Variants in ANKFN1 observed in about 807,000 individuals in gnomAD.
ANKFN1 encodes ankyrin repeat and fibronectin type-III domain-containing protein 1.
A neutral mutation model predicts 108.7 loss-of-function variants in ANKFN1; 74 were observed. The ratio of observed to expected loss-of-function variants is 0.68; its 90% CI spans 0.56 to 0.83. The LOEUF (loss-of-function observed/expected upper bound fraction) is 0.83, where lower values mean the gene tolerates loss of function less well. ANKFN1 is among the 40% of genes least tolerant of loss of function. The probability of loss-of-function intolerance (pLI) is 0.00; values close to 1 mark genes in which losing one functional copy is unlikely to be tolerated. For missense variants in ANKFN1, 1,505 were observed against 1,382.3 expected (o/e 1.09, Z -1.41); for synonymous variants, 547 against 516.2 (o/e 1.06, Z -0.81).
chr17:56,501,870 G>T (rs1316774849), intron 20 of ANKFN1, among the ~76,000 whole-genome samples: 1 of 152,072 alleles, frequency 6.6e-6, no homozygotes, highest in Non-Finnish European at 1.5e-5. Context: ...AACCTGAAAA[G>T]CTTCAGTTGT....
At chr17:56,095,769 C>T (rs1337023465) in intron 4 of ANKFN1, among the ~76,000 whole-genome samples, 1 of 152,222 alleles carries the variant, frequency 6.6e-6, no homozygotes, top group Non-Finnish European at 1.5e-5. Context: ...GAAAGATGGT[C>T]TGTGACTCAC....
At chr17:56,488,773 C>T (rs2050935131) in intron 18 of ANKFN1, among the ~76,000 whole-genome samples, 1 of 152,196 alleles carries the variant, frequency 6.6e-6, no homozygotes, top group East Asian at 1.9e-4. Flanking sequence ...CAAACTAGGC[C>T]ACATGGCCCA....
intron 3 of ANKFN1, among the ~76,000 whole-genome samples, chr17:56,262,201 C>A (rs1187984323): frequency 3.3e-5 from 5 of 152,150 alleles, no homozygotes; most frequent in Non-Finnish European, 7.3e-5. Flanking sequence ...CTCTACGACC[C>A]TCTCCCCAAC....
intron 3 of ANKFN1, among the ~76,000 whole-genome samples, chr17:56,299,868 A>AAATG (rs766312495): frequency 4.6e-5 from 7 of 152,206 alleles, no homozygotes; most frequent in Non-Finnish European, 7.3e-5. Flanking sequence ...TTCGTTGGCT[A>AAATG]AATGAATGAA....
chr17:56,259,662 G>A (rs1403820110), intron 3 of ANKFN1, among the ~76,000 whole-genome samples: 1 of 152,072 alleles, frequency 6.6e-6, no homozygotes, highest in Admixed American at 6.6e-5. Flanking sequence ...CATCACAGAG[G>A]ATGGAGAAAA....
intron 4 of ANKFN1, among the ~76,000 whole-genome samples, chr17:56,105,711 C>G (rs376501495): frequency 8.3e-5 from 12 of 144,544 alleles, no homozygotes; most frequent in African/African-American, 7.8e-5. Context: ...GTTTTTTTGT[C>G]TGTGTGTGTG....
intron 3 of ANKFN1, among the ~76,000 whole-genome samples, chr17:56,287,224 G>A (rs980562717): frequency 6.6e-5 from 10 of 152,048 alleles, no homozygotes; most frequent in African/African-American, 2.2e-4. Flanking sequence ...ATGTGGCATC[G>A]GGTTTCTTTC....
intron 8 of ANKFN1, among the ~76,000 whole-genome samples, chr17:56,379,724 T>C (rs1328442316): frequency 6.6e-6 from 1 of 152,230 alleles, no homozygotes; most frequent in Non-Finnish European, 1.5e-5. Flanking sequence ...CTCCTATTGA[T>C]GGATGTTGGT....
intron 4 of ANKFN1, among the ~76,000 whole-genome samples, chr17:56,110,780 T>A (rs16956666): frequency 0.012 from 1,794 of 152,336 alleles, 35 homozygotes; most frequent in African/African-American, 0.04. Flanking sequence ...AAAGGAAAGT[T>A]GGAAAAAGTC....
At chr17:56,309,589 T>A (rs1223004017) in intron 3 of ANKFN1, among the ~76,000 whole-genome samples, 1 of 152,152 alleles carries the variant, frequency 6.6e-6, no homozygotes, top group Non-Finnish European at 1.5e-5. Flanking sequence ...TTCTAAAATC[T>A]TTTTTGGCTT....
At chr17:56,425,230 A>C (rs1486513129) in intron 8 of ANKFN1, among the ~76,000 whole-genome samples, 2 of 152,104 alleles carry the variant, frequency 1.3e-5, no homozygotes, top group Non-Finnish European at 2.9e-5. Flanking sequence ...AATTTGGCTC[A>C]CAGATGCCTC....
chr17:56,239,775 T>C (rs1266245537), intron 3 of ANKFN1, among the ~76,000 whole-genome samples: 2 of 152,112 alleles, frequency 1.3e-5, no homozygotes, highest in African/African-American at 4.8e-5. Flanking sequence ...GTCTTTTTTC[T>C]TTGGCAGGCT....
chr17:56,192,433 G>A (rs1198359037), intron 1 of ANKFN1, among the ~76,000 whole-genome samples: 5 of 15,240 alleles, frequency 3.3e-4, no homozygotes, highest in African/African-American at 8.8e-4. Flanking sequence ...CTTCTGCACA[G>A]CAAAAGAAAC....
At chr17:56,421,494 C>T (rs1168322613) in intron 8 of ANKFN1, among the ~76,000 whole-genome samples, 1 of 152,200 alleles carries the variant, frequency 6.6e-6, no homozygotes, top group Non-Finnish European at 1.5e-5. Context: ...AGGCTCTAAA[C>T]GCTGATACTA....
At chr17:56,285,010 T>A (rs549134548) in intron 3 of ANKFN1, among the ~76,000 whole-genome samples, 2 of 152,314 alleles carry the variant, frequency 1.3e-5, no homozygotes, top group African/African-American at 4.8e-5. Flanking sequence ...CAAGTCAAGA[T>A]CTTATTTCTT....
At chr17:56,458,883 A>G (rs1193279507) in intron 14 of ANKFN1, among the ~76,000 whole-genome samples, 1 of 152,130 alleles carries the variant, frequency 6.6e-6, no homozygotes, top group Non-Finnish European at 1.5e-5. Context: ...ACAAAAAAAA[A>G]TTTCTATGGC....
intron 4 of ANKFN1, among the ~76,000 whole-genome samples, chr17:56,139,516 TA>T (rs1338708242): frequency 2.0e-5 from 3 of 152,018 alleles, no homozygotes; most frequent in Non-Finnish European, 4.4e-5. Flanking sequence ...CCGGCAGAGG[TA>T]AAAACAAATT....
chr17:56,403,427 C>G (rs772377510), intron 8 of ANKFN1, among the ~76,000 whole-genome samples: 1 of 152,032 alleles, frequency 6.6e-6, no homozygotes, highest in Non-Finnish European at 1.5e-5. Flanking sequence ...TCCTGTTGGA[C>G]AAGGTCTTTT....
At position 56,394,794 on chromosome 17, in the gene ANKFN1, C is replaced by G. The variant is rs144299363; in HGVS notation, c.910+20080C>G. ...GATGATAAGCCGCTTTCTAGGTCAC[C>G]TTCTCCCTGCAGAGATTTTTCTCTT... On this transcript the variant is annotated intron_variant, in intron 8 of 20. Transcript: ENST00000682825. 2.6e-5 allele frequency among the ~76,000 whole-genome samples: 4 copies of G among 152,314 alleles called. No homozygotes were observed. In the East Asian group the frequency reaches 7.7e-4, roughly 29 times the overall value.
Sources: gnomAD v4.1 joint callset for allele counts (sites outside exome capture counted in the v4.1 genomes callset) on GRCh38, gnomAD v4.1.1 for gene constraint, MANE v1.5 for transcripts, NCBI Gene and HGNC (gene_info 2026-07-23, HGNC 2026-07-21) for gene names.